Variants in CPQ observed in about 807,000 individuals in gnomAD.
The protein encoded by CPQ is Ser-Met dipeptidase.
A neutral mutation model predicts 45.7 loss-of-function variants in CPQ; 37 were observed. That is an observed-to-expected ratio of 0.81 (90% CI 0.62 to 1.07). The LOEUF (loss-of-function observed/expected upper bound fraction) is 1.07, where lower values mean the gene tolerates loss of function less well. CPQ is among the 50% of genes least tolerant of loss of function. The pLI is 0.00. For missense variants in CPQ, 537 were observed against 572.9 expected (o/e 0.94, Z 0.64); for synonymous variants, 186 against 205.8 (o/e 0.90, Z 0.82).
intron 5 of CPQ, among the ~76,000 whole-genome samples, chr8:96,971,424 T>C (rs1056088138): frequency 6.6e-6 from 1 of 152,250 alleles, no homozygotes; most frequent in Non-Finnish European, 1.5e-5. Flanking sequence ...TGAAATATGC[T>C]AATGACTCTA....
chr8:97,044,963 G>T (rs932590177), intron 6 of CPQ, among the ~76,000 whole-genome samples: 4 of 152,224 alleles, frequency 2.6e-5, no homozygotes, highest in Non-Finnish European at 5.9e-5. Context: ...GAGGCAGTCT[G>T]CCCATTCTCA....
chr8:96,821,942 G>A (rs537708941), intron 2 of CPQ, among the ~76,000 whole-genome samples: 1 of 151,986 alleles, frequency 6.6e-6, no homozygotes, highest in Non-Finnish European at 1.5e-5. Flanking sequence ...TATCCTCTTA[G>A]CAATTTTCAA....
intron 2 of CPQ, among the ~76,000 whole-genome samples, chr8:96,791,155 C>T (rs1810840599): frequency 6.6e-6 from 1 of 152,156 alleles, no homozygotes; most frequent in Non-Finnish European, 1.5e-5. Context: ...ATGTAATTTA[C>T]CAAGGGTTGC....
intron 4 of CPQ, among the ~76,000 whole-genome samples, chr8:96,936,793 C>T (rs1443649364): frequency 6.6e-6 from 1 of 152,108 alleles, no homozygotes; most frequent in African/African-American, 2.4e-5. Flanking sequence ...ATCACCCTGG[C>T]AGTTATTGGT....
At chr8:96,934,090 G>A (rs1226683394) in intron 4 of CPQ, among the ~76,000 whole-genome samples, 1 of 152,176 alleles carries the variant, frequency 6.6e-6, no homozygotes, top group Non-Finnish European at 1.5e-5. Context: ...GATATGGAGG[G>A]AAGAGCTCTG....
chr8:97,004,798 A>C (rs1020012558), intron 5 of CPQ, among the ~76,000 whole-genome samples: 2 of 152,176 alleles, frequency 1.3e-5, no homozygotes, highest in African/African-American at 4.8e-5. Context: ...TATGTAATGG[A>C]TCAACTATAA....
intron 1 of CPQ, among the ~76,000 whole-genome samples, chr8:96,692,744 G>C (rs530433598): frequency 6.6e-6 from 1 of 152,188 alleles, no homozygotes; most frequent in South Asian, 2.1e-4. Context: ...ATAAGTCCAG[G>C]CTGCAAAGAC....
intron 1 of CPQ, among the ~76,000 whole-genome samples, chr8:96,729,457 G>A (rs1477866823): frequency 1.3e-5 from 2 of 152,052 alleles, no homozygotes; most frequent in Non-Finnish European, 2.9e-5. Context: ...ATTATAAGAA[G>A]GACAGTATTT....
At chr8:96,942,549 C>T (rs1439491124) in intron 4 of CPQ, among the ~76,000 whole-genome samples, 1 of 152,122 alleles carries the variant, frequency 6.6e-6, no homozygotes, top group East Asian at 1.9e-4. Flanking sequence ...CAACCTATGG[C>T]TCCTCTAGCT....
intron 1 of CPQ, among the ~76,000 whole-genome samples, chr8:96,758,380 G>A (rs1053945120): frequency 1.1e-4 from 17 of 152,272 alleles, no homozygotes; most frequent in African/African-American, 4.1e-4. Context: ...CAGAATGGAA[G>A]GAAGCACCCA....
chr8:96,947,648 A>T (rs1813208815), intron 4 of CPQ, among the ~76,000 whole-genome samples: 1 of 152,148 alleles, frequency 6.6e-6, no homozygotes. Context: ...GGATTTTGAT[A>T]GGGATTGTAG....
intron 2 of CPQ, among the ~76,000 whole-genome samples, chr8:96,818,890 C>T (rs1361377255): frequency 6.6e-6 from 1 of 152,020 alleles, no homozygotes; most frequent in African/African-American, 2.4e-5. Context: ...TTTTATACTC[C>T]CGTATCAAAT....
chr8:96,932,403 TC>T (rs1490255156), intron 4 of CPQ, among the ~76,000 whole-genome samples: 2 of 152,218 alleles, frequency 1.3e-5, no homozygotes, highest in African/African-American at 2.4e-5. Context: ...AAAGTATGTA[TC>T]CTTTTTCAAC....
intron 1 of CPQ, among the ~76,000 whole-genome samples, chr8:96,755,938 AGCAGGAT>A (rs1035642823): frequency 6.6e-5 from 10 of 152,054 alleles, no homozygotes; most frequent in East Asian, 3.8e-4. Flanking sequence ...CAATTAGTGC[AGCAGGAT>A]ATCAAATTAG....
chr8:96,680,308 C>T (rs1261804107), intron 1 of CPQ: 1 of 152,138 alleles, frequency 6.6e-6, no homozygotes, highest in African/African-American at 2.4e-5. Flanking sequence ...TGTCCCCACC[C>T]AAATCTCATC....
intron 2 of CPQ, among the ~76,000 whole-genome samples, chr8:96,821,529 G>A (rs1811307886): frequency 1.3e-5 from 2 of 151,644 alleles, no homozygotes; most frequent in Non-Finnish European, 2.9e-5. Flanking sequence ...TTTGATAGGG[G>A]CTCTTTTAAA....
chr8:96,839,703 T>A (rs1811581113), intron 3 of CPQ, among the ~76,000 whole-genome samples: 1 of 152,204 alleles, frequency 6.6e-6, no homozygotes, highest in Non-Finnish European at 1.5e-5. Context: ...CAAGAAATAT[T>A]TTTATGTAGC....
chr8:96,657,080 C>T (rs1815646687), intron 1 of CPQ, among the ~76,000 whole-genome samples: 1 of 151,904 alleles, frequency 6.6e-6, no homozygotes, highest in African/African-American at 2.4e-5. Flanking sequence ...GGCACAGTGG[C>T]TCACGCCTGT....
chr8:97,140,116 C>T (rs1392016975), intron 7 of CPQ, among the ~76,000 whole-genome samples: 2 of 151,834 alleles, frequency 1.3e-5, no homozygotes, highest in Non-Finnish European at 2.9e-5. Flanking sequence ...CAGGATATTA[C>T]TGACAACTTC....
Sources: allele counts gnomAD v4.1 joint callset (sites outside exome capture counted in the v4.1 genomes callset), GRCh38; gene constraint gnomAD v4.1.1; transcripts MANE v1.5; gene names NCBI Gene and HGNC (gene_info 2026-07-23, HGNC 2026-07-21).